Variants in GNA14 observed in about 807,000 individuals in gnomAD.
GNA14 encodes the protein G protein subunit alpha 14, also known as guanine nucleotide-binding protein subunit alpha-14.
A neutral mutation model predicts 42.0 loss-of-function variants in GNA14; 50 were observed. The ratio of observed to expected loss-of-function variants is 1.19; its 90% confidence interval spans 0.95 to 1.51. GNA14 has a LOEUF of 1.51. Among genes scored for constraint, GNA14 ranks in the 40% most tolerant of loss-of-function variants. The pLI, the probability that GNA14 is intolerant of heterozygous loss-of-function variation, is 0.00. For missense variants in GNA14, 473 were observed against 446.2 expected, an observed-to-expected ratio of 1.06 and a Z score of -0.54; for synonymous variants, 173 against 163.1, an observed-to-expected ratio of 1.06 and a Z score of -0.46.
chr9:77,488,803 A>C (rs993051808), intron 2 of GNA14, among the ~76,000 whole-genome samples: 14 of 150,960 alleles, frequency 9.3e-5, no homozygotes, highest in Admixed American at 2.0e-4. Context: ...AAAAAAAAAA[A>C]AAAAAACAGA....
At chr9:77,430,726 T>G (rs1205742364) in intron 4 of GNA14, among the ~76,000 whole-genome samples, 1 of 152,220 alleles carries the variant, frequency 6.6e-6, no homozygotes, top group Non-Finnish European at 1.5e-5. Flanking sequence ...AAATGTGCAG[T>G]GCTACATATA....
chr9:77,566,279 T>A (rs749887481), intron 1 of GNA14, among the ~76,000 whole-genome samples: 1 of 151,010 alleles, frequency 6.6e-6, no homozygotes, highest in Non-Finnish European at 1.5e-5. Flanking sequence ...CTCAGCCTCC[T>A]GAGTAGCTGG....
intron 1 of GNA14, among the ~76,000 whole-genome samples, chr9:77,546,327 T>C (rs768905105): frequency 6.6e-6 from 1 of 150,830 alleles, no homozygotes; most frequent in Non-Finnish European, 1.5e-5. Flanking sequence ...TCTCCCAATA[T>C]AAATGAAATA....
chr9:77,464,004 T>C (rs991974733), intron 2 of GNA14, among the ~76,000 whole-genome samples: 1 of 152,200 alleles, frequency 6.6e-6, no homozygotes, highest in Non-Finnish European at 1.5e-5. Context: ...TTGTTGTTGT[T>C]GTTTTTGTTT....
At chr9:77,496,970 G>T (rs1203764201) in intron 2 of GNA14, among the ~76,000 whole-genome samples, 1 of 152,038 alleles carries the variant, frequency 6.6e-6, no homozygotes, top group Non-Finnish European at 1.5e-5. Flanking sequence ...TCACATAGAA[G>T]TTTCCTCCAC....
At chr9:77,440,898 T>C (rs1835721305) in intron 2 of GNA14, among the ~76,000 whole-genome samples, 1 of 152,124 alleles carries the variant, frequency 6.6e-6, no homozygotes, top group African/African-American at 2.4e-5. Context: ...GTATTTTTAG[T>C]AGAGATGGGG....
intron 2 of GNA14, among the ~76,000 whole-genome samples, chr9:77,506,495 G>C (rs1007154307): frequency 6.6e-6 from 1 of 151,896 alleles, no homozygotes; most frequent in Non-Finnish European, 1.5e-5. Flanking sequence ...TGGCCAGTGT[G>C]GTGAAACCAC....
At position 77,494,077 on chromosome 9, in the gene GNA14, T is replaced by TGCCC. The variant is rs1360538304; in HGVS notation, c.309+34988_309+34991dup. On this transcript the variant is annotated intron_variant, in intron 2 of 6. Transcript: ENST00000341700. ...CTTGGATTACAGGCACACACCACCA[T>TGCCC]GCCCGGCTAATTTTTTTTAATCTTT... is the stretch of plus-strand genomic sequence containing the variant. 2.0e-5 allele frequency among the ~76,000 whole-genome samples: 3 copies of TGCCC among 152,044 alleles called. No individual in the cohort carries two copies. The East Asian group carries it at 5.8e-4, about 29-fold the overall frequency.
At chr9:77,450,784 G>C (rs112640320) in intron 2 of GNA14, among the ~76,000 whole-genome samples, 2 of 151,944 alleles carry the variant, frequency 1.3e-5, no homozygotes, top group African/African-American at 2.4e-5. Context: ...CCCATGTGTC[G>C]TGGGAGGGAA....
chr9:77,611,209 G>C (rs1210644561), intron 1 of GNA14, among the ~76,000 whole-genome samples: 1 of 152,146 alleles, frequency 6.6e-6, no homozygotes. Flanking sequence ...TCCCATGTTA[G>C]CATGCTATAG....
intron 2 of GNA14, among the ~76,000 whole-genome samples, chr9:77,483,984 T>C (rs75201096): frequency 0.016 from 2,396 of 152,320 alleles, 24 homozygotes; most frequent in Middle Eastern, 0.031. Flanking sequence ...CAGACAAATA[T>C]TGATCAAGTC....
intron 1 of GNA14, among the ~76,000 whole-genome samples, chr9:77,641,936 C>T (rs1824274540): frequency 6.6e-6 from 1 of 152,256 alleles, no homozygotes; most frequent in East Asian, 1.9e-4. Context: ...CAAACACTGC[C>T]AAGGGAAAAG....
rs1159678434 is a variant in GNA14, at chr9:77,423,451, A to C, written c.*528T>G. The C allele has an allele frequency of 6.6e-6, 1 of 152,230 alleles. No homozygotes were observed. Among genetic ancestry groups the C allele is most frequent in the African/African-American group, 2.4e-5 (1 of 41,462 alleles). 9.4% of individuals were successfully genotyped at this position (152,230 alleles called of 1,614,324 possible). A position where few individuals can be genotyped will look rare whatever the true frequency, so the allele number is the denominator to read the frequency against. ...CACAAAAAGAACCAAGTGTTTAAAAAAAATCTTTGGTGGCATGTTAAAGGA... is the reference window on the plus strand; with the variant it reads ...CACAAAAAGAACCAAGTGTTTAAAACAAATCTTTGGTGGCATGTTAAAGGA... On this transcript the variant is annotated 3_prime_UTR_variant, in exon 7 of 7. Coordinates refer to ENST00000341700, the MANE Select transcript of GNA14 (RefSeq NM_004297.4).
chr9:77,523,406 A>C (rs1837388665), intron 2 of GNA14, among the ~76,000 whole-genome samples: 1 of 152,070 alleles, frequency 6.6e-6, no homozygotes, highest in African/African-American at 2.4e-5. Context: ...ACACGCTTTC[A>C]AACAACCAGA....
At chr9:77,470,928 G>A (rs893987811) in intron 2 of GNA14, among the ~76,000 whole-genome samples, 1 of 152,140 alleles carries the variant, frequency 6.6e-6, no homozygotes, top group African/African-American at 2.4e-5. Flanking sequence ...AACAGCAAGG[G>A]GGAAATCTGC....
At chr9:77,610,932 T>C (rs1024537255) in intron 1 of GNA14, among the ~76,000 whole-genome samples, 10 of 152,158 alleles carry the variant, frequency 6.6e-5, no homozygotes, top group African/African-American at 2.2e-4. Context: ...GTTTTTCTCC[T>C]CCCTTGCACT....
At chr9:77,520,962 T>A (rs1587814830) in intron 2 of GNA14, among the ~76,000 whole-genome samples, 1 of 152,322 alleles carries the variant, frequency 6.6e-6, no homozygotes, top group South Asian at 2.1e-4. Context: ...GGGTAGTGGG[T>A]GTTTTAATTG....
chr9:77,459,459 A>G (rs1481173972), intron 2 of GNA14, among the ~76,000 whole-genome samples: 5 of 151,736 alleles, frequency 3.3e-5, no homozygotes, highest in African/African-American at 1.2e-4. Context: ...GTCTGCTTCC[A>G]TGTGCTCTTT....
intron 2 of GNA14, among the ~76,000 whole-genome samples, chr9:77,475,984 C>A (rs73651510): frequency 6.6e-6 from 1 of 152,038 alleles, no homozygotes; most frequent in Admixed American, 6.5e-5. Flanking sequence ...CTAAGTGTGC[C>A]CTTGAGCTTA....
Sources: allele counts gnomAD v4.1 joint callset (sites outside exome capture counted in the v4.1 genomes callset), GRCh38; gene constraint gnomAD v4.1.1; transcripts MANE v1.5; gene names NCBI Gene and HGNC (gene_info 2026-07-23, HGNC 2026-07-21).